RBFOX1: variants seen among roughly 807,000 people sequenced by gnomAD.
RBFOX1 encodes RNA binding protein fox-1 homolog 1.
RBFOX1 carries 8 observed loss-of-function variants against 57.7 expected under a neutral mutation model. That is an observed-to-expected ratio of 0.14 (90% CI 0.08 to 0.25). RBFOX1 has a LOEUF of 0.25. Among genes scored for constraint, RBFOX1 ranks in the 10% least tolerant of loss-of-function variants. RBFOX1 has a pLI of 1.00. For synonymous variants in RBFOX1, 326 were observed against 222.4 expected (o/e 1.47, Z -4.15); for missense variants, 611 against 548.5 (o/e 1.11, Z -1.14).
chr16:6,893,640 C>T (rs1235492390), intron 3 of RBFOX1, among the ~76,000 whole-genome samples: 1 of 152,158 alleles, frequency 6.6e-6, no homozygotes, highest in African/African-American at 2.4e-5. Flanking sequence ...AGCCCTGTTC[C>T]TCCAATAGAG....
chr16:7,564,101 C>A (rs73486644), intron 5 of RBFOX1, among the ~76,000 whole-genome samples: 1 of 151,884 alleles, frequency 6.6e-6, no homozygotes, highest in Non-Finnish European at 1.5e-5. Flanking sequence ...GCTGTAACCA[C>A]CAAAGGGATG....
intron 3 of RBFOX1, among the ~76,000 whole-genome samples, chr16:5,628,987 G>A (rs1567318934): frequency 6.6e-6 from 1 of 152,162 alleles, no homozygotes; most frequent in Non-Finnish European, 1.5e-5. Context: ...AGTAAACTGT[G>A]AGTGCGATTA....
At chr16:7,651,252 C>G (rs2064998458) in intron 11 of RBFOX1, among the ~76,000 whole-genome samples, 1 of 152,136 alleles carries the variant, frequency 6.6e-6, no homozygotes, top group African/African-American at 2.4e-5. Flanking sequence ...GCCATTTGGT[C>G]TTCACTTTGG....
intron 2 of RBFOX1, among the ~76,000 whole-genome samples, chr16:6,489,924 TAGAG>T (rs146190951): frequency 0.14 from 21,548 of 152,064 alleles, 1,858 homozygotes; most frequent in Middle Eastern, 0.21. Flanking sequence ...GTTGGAAAAA[TAGAG>T]AGAAATTCTG....
At chr16:6,211,189 T>C (rs1031704449) in intron 1 of RBFOX1, among the ~76,000 whole-genome samples, 1 of 54,234 alleles carries the variant, frequency 1.8e-5, no homozygotes, top group African/African-American at 3.4e-5. Flanking sequence ...TTTCTTCTTC[T>C]TTTTTTTTTT....
intron 3 of RBFOX1, among the ~76,000 whole-genome samples, chr16:5,732,245 G>A (rs1471658073): frequency 6.6e-6 from 1 of 152,202 alleles, no homozygotes; most frequent in Non-Finnish European, 1.5e-5. Context: ...TTCCTGCCTT[G>A]AAATTTGTAA....
chr16:6,667,662 C>T (rs2098741140), intron 3 of RBFOX1, among the ~76,000 whole-genome samples: 1 of 151,998 alleles, frequency 6.6e-6, no homozygotes, highest in South Asian at 2.1e-4. Flanking sequence ...GGGAGGATTA[C>T]TTGAGCTCGG....
chr16:7,520,305 A>G (rs1279885524), intron 5 of RBFOX1, among the ~76,000 whole-genome samples: 3 of 152,304 alleles, frequency 2.0e-5, no homozygotes, highest in South Asian at 2.1e-4. Flanking sequence ...TTAATCCTGT[A>G]CACATTTCAA....
intron 3 of RBFOX1, among the ~76,000 whole-genome samples, chr16:5,823,658 G>A (rs2055934607): frequency 6.6e-6 from 1 of 152,048 alleles, no homozygotes; most frequent in Non-Finnish European, 1.5e-5. Context: ...CAGGTCAGTG[G>A]CAGCATTAGA....
In RBFOX1 at chr16:6,084,620, GA is replaced by G. The variant is rs5815281; in HGVS notation, c.-127+64637del. ...TTATAACGGTTTGCTAGTTTAGAAA[GA>G]AAAAAAAACAGTGACATGGTGAAAA... On this transcript the variant is annotated intron_variant, in intron 1 of 15. Transcript: ENST00000550418. Among the ~76,000 whole-genome samples the G allele has an allele frequency of 4.0e-5, 6 of 150,298 alleles. No homozygotes were observed. In the East Asian group the frequency reaches 7.8e-4, roughly 19 times the overall value.
intron 4 of RBFOX1, among the ~76,000 whole-genome samples, chr16:7,442,462 G>C (rs1342408657): frequency 2.6e-5 from 4 of 152,146 alleles, no homozygotes; most frequent in Non-Finnish European, 5.9e-5. Context: ...TAGAAGCCCT[G>C]TGTCTCAGGG....
intron 3 of RBFOX1, among the ~76,000 whole-genome samples, chr16:5,755,383 T>G (rs1197611413): frequency 6.6e-6 from 1 of 152,170 alleles, no homozygotes; most frequent in African/African-American, 2.4e-5. Context: ...AGGGACAGAT[T>G]GGGTGAGGCC....
At chr16:5,341,432 A>C (rs572766661) in intron 1 of RBFOX1, among the ~76,000 whole-genome samples, 3 of 152,260 alleles carry the variant, frequency 2.0e-5, no homozygotes, top group Non-Finnish European at 4.4e-5. Flanking sequence ...TCGTGGCTAT[A>C]ATGGAGTTGG....
chr16:6,398,562 A>G (rs1352022158), intron 2 of RBFOX1, among the ~76,000 whole-genome samples: 1 of 152,184 alleles, frequency 6.6e-6, no homozygotes, highest in Non-Finnish European at 1.5e-5. Flanking sequence ...CAAAGGGACT[A>G]CAGGTCCCAT....
intron 5 of RBFOX1, among the ~76,000 whole-genome samples, chr16:7,540,133 C>T (rs2082536803): frequency 1.3e-5 from 2 of 152,310 alleles, no homozygotes; most frequent in African/African-American, 4.8e-5. Context: ...TAACCCCCGT[C>T]TCCTCCTTTC....
chr16:6,950,113 A>AT (rs58222300), intron 3 of RBFOX1, among the ~76,000 whole-genome samples: 32,829 of 120,368 alleles, frequency 0.27, 4,626 homozygotes, highest in Middle Eastern at 0.34. Context: ...CGCAGAGGTA[A>AT]TTTTTTTTTT....
chr16:5,533,558 C>G (rs976676859), intron 2 of RBFOX1, among the ~76,000 whole-genome samples: 3 of 152,172 alleles, frequency 2.0e-5, no homozygotes, highest in Non-Finnish European at 4.4e-5. Context: ...GTGACAACTT[C>G]AAACAGAGGC....
At chr16:7,372,389 G>T (rs911299395) in intron 4 of RBFOX1, among the ~76,000 whole-genome samples, 1 of 152,108 alleles carries the variant, frequency 6.6e-6, no homozygotes, top group African/African-American at 2.4e-5. Context: ...TACTTGCCTT[G>T]GTAATAGGAT....
At position 6,701,135 on chromosome 16, in the gene RBFOX1, A is replaced by ACGTGTGTGTGTGTG. The variant is rs1555706825; in HGVS notation, c.-16+46485_-16+46486insCGTGTGTGTGTGTG. Among the ~76,000 whole-genome samples the ACGTGTGTGTGTGTG allele has an allele frequency of 1.8e-4, 27 of 149,216 alleles. No individual in the cohort carries two copies. The East Asian group carries it at 5.0e-3, about 27-fold the overall frequency. On this transcript the variant is annotated intron_variant, in intron 3 of 15. Transcript: ENST00000550418. Reference sequence around the variant, plus strand: ...AGTTTATCAGTGTCTCTGTGTGTGTATGTGTGTGTGTGTGTGTGTGTGTTT... The same window carrying ACGTGTGTGTGTGTG: ...AGTTTATCAGTGTCTCTGTGTGTGTACGTGTGTGTGTGTGTGTGTGTGTGTGTGTGTGTGTGTTT...
Sources: gnomAD v4.1 joint callset for allele counts (sites outside exome capture counted in the v4.1 genomes callset) on GRCh38, gnomAD v4.1.1 for gene constraint, MANE v1.5 for transcripts, NCBI Gene and HGNC (gene_info 2026-07-23, HGNC 2026-07-21) for gene names.